The following TMCC1 variants were observed in gnomAD, a reference collection of about 807,000 sequenced individuals.
The protein encoded by TMCC1 is transmembrane and coiled-coil domain family 1, also known as transmembrane and coiled-coil domains protein 1.
In TMCC1, 15 loss-of-function variants were observed where a neutral mutation model predicts 52.4. That is an observed-to-expected ratio of 0.29 (90% CI 0.19 to 0.44). The LOEUF (loss-of-function observed/expected upper bound fraction) is 0.44, where lower values mean the gene tolerates loss of function less well. TMCC1 is among the 20% of genes least tolerant of loss of function. TMCC1 has a pLI of 1.00. For synonymous variants in TMCC1, 279 were observed against 301.9 expected (o/e 0.92, Z 0.79); for missense variants, 503 against 806.0 (o/e 0.62, Z 4.55).
At chr3:129,686,447 CT>C (rs947604076) in intron 4 of TMCC1, among the ~76,000 whole-genome samples, 3 of 152,188 alleles carry the variant, frequency 2.0e-5, no homozygotes, top group African/African-American at 7.2e-5. Flanking sequence ...GTACCCCACT[CT>C]AGTCACACTG....
At chr3:129,758,830 C>T (rs1283906399) in intron 4 of TMCC1, among the ~76,000 whole-genome samples, 5 of 152,192 alleles carry the variant, frequency 3.3e-5, no homozygotes, top group Non-Finnish European at 7.3e-5. Context: ...TTCCCCATTT[C>T]CCTCTCTTCC....
intron 2 of TMCC1, among the ~76,000 whole-genome samples, chr3:129,845,864 T>C (rs2059642094): frequency 6.6e-6 from 1 of 151,938 alleles, no homozygotes; most frequent in African/African-American, 2.4e-5. Flanking sequence ...AGACCCTGTC[T>C]CTACAAAAAA....
chr3:129,781,785 T>C (rs545734185), intron 4 of TMCC1, among the ~76,000 whole-genome samples: 1 of 152,112 alleles, frequency 6.6e-6, no homozygotes, highest in Non-Finnish European at 1.5e-5. Context: ...TTTATTAGTA[T>C]CACTTTGGCT....
At chr3:129,817,614 T>C (rs1168691234) in intron 4 of TMCC1, among the ~76,000 whole-genome samples, 1 of 152,178 alleles carries the variant, frequency 6.6e-6, no homozygotes, top group Non-Finnish European at 1.5e-5. Context: ...CATATTTTGA[T>C]TTTCAGAGTG....
At chr3:129,687,472 C>T (rs2089485844) in intron 4 of TMCC1, among the ~76,000 whole-genome samples, 1 of 152,184 alleles carries the variant, frequency 6.6e-6, no homozygotes, top group Admixed American at 6.5e-5. Flanking sequence ...AGAAAAACAA[C>T]ATCCTTATCT....
chr3:129,729,370 G>A (rs2050364059), intron 4 of TMCC1, among the ~76,000 whole-genome samples: 1 of 152,140 alleles, frequency 6.6e-6, no homozygotes, highest in African/African-American at 2.4e-5. Flanking sequence ...TTTGTTGTCT[G>A]TTTTAAAGAA....
intron 4 of TMCC1, among the ~76,000 whole-genome samples, chr3:129,765,421 C>T (rs1410700348): frequency 6.6e-6 from 1 of 151,912 alleles, no homozygotes; most frequent in Non-Finnish European, 1.5e-5. Flanking sequence ...AGTAAATATA[C>T]TCATAACAAT....
chr3:129,671,282 G>C lies in TMCC1; in HGVS notation c.577-18C>G, dbSNP rs139806936. On this transcript the variant is annotated intron_variant, in intron 4 of 6. Coordinates refer to ENST00000393238, the MANE Select transcript of TMCC1 (RefSeq NM_001017395.5). ...CGTTCGATCTAGTGTAAAAACAAGAGGTACATGTTAGAAGCCCAAGAGGAC... is the reference window on the plus strand; with the variant it reads ...CGTTCGATCTAGTGTAAAAACAAGACGTACATGTTAGAAGCCCAAGAGGAC... The C allele has an allele frequency of 1.6e-5, 26 of 1,586,726 alleles. No homozygotes were observed. In the East Asian group the frequency reaches 5.4e-4, roughly 33 times the overall value.
intron 4 of TMCC1, among the ~76,000 whole-genome samples, chr3:129,783,929 G>A (rs902688593): frequency 1.3e-5 from 2 of 152,098 alleles, no homozygotes; most frequent in Admixed American, 6.5e-5. Context: ...AGCTCGGAAA[G>A]AATATTGGCA....
intron 1 of TMCC1, among the ~76,000 whole-genome samples, chr3:129,887,052 G>C (rs1357434135): frequency 1.3e-5 from 2 of 152,140 alleles, no homozygotes; most frequent in Non-Finnish European, 2.9e-5. Context: ...TGGTTGCCAG[G>C]GAACAAAGAG....
At chr3:129,797,986 C>CTTTTTTTTTTTTT (rs11417298) in intron 4 of TMCC1, among the ~76,000 whole-genome samples, 2 of 136,662 alleles carry the variant, frequency 1.5e-5, no homozygotes, top group Non-Finnish European at 1.5e-5. Context: ...AGTTGTGTGC[C>CTTTTTTTTTTTTT]TTTTTTTTTT....
At chr3:129,857,977 G>T (rs1311386044) in intron 2 of TMCC1, among the ~76,000 whole-genome samples, 2 of 151,962 alleles carry the variant, frequency 1.3e-5, no homozygotes, top group African/African-American at 4.8e-5. Context: ...ATGGCATGCT[G>T]AAGGTCACAC....
chr3:129,798,361 G>C (rs1337555166), intron 4 of TMCC1, among the ~76,000 whole-genome samples: 1 of 151,976 alleles, frequency 6.6e-6, no homozygotes, highest in Admixed American at 6.6e-5. Context: ...TAGTGAAACA[G>C]TATTCTGAAA....
chr3:129,854,428 T>C (rs920642879), intron 2 of TMCC1, among the ~76,000 whole-genome samples: 3 of 151,206 alleles, frequency 2.0e-5, no homozygotes, highest in Non-Finnish European at 4.4e-5. Flanking sequence ...GACTATGTCC[T>C]TTCTTGCTTA....
rs200367197 is a variant in TMCC1 at position 129,723,399 on chromosome 3, G to T, written c.577-52135C>A. On this transcript the variant is annotated intron_variant, in intron 4 of 6. Coordinates refer to ENST00000393238, the MANE Select transcript of TMCC1 (RefSeq NM_001017395.5). ...TTTTTTGGCCACCTAGATCCATCAA[G>T]AATTTTTTTTTTTTAATTTAATAAG... is the stretch of plus-strand genomic sequence containing the variant. Among the ~76,000 whole-genome samples the T allele has an allele frequency of 8.1e-4, 56 of 69,358 alleles. No homozygotes were observed. The East Asian group carries it at 0.013, about 16-fold the overall frequency. The allele number at this position is 69,358 out of a possible 152,430, so 45.5% of individuals were successfully genotyped here.
chr3:129,801,083 C>T (rs1259667043), intron 4 of TMCC1, among the ~76,000 whole-genome samples: 2 of 151,936 alleles, frequency 1.3e-5, no homozygotes, highest in Non-Finnish European at 2.9e-5. Flanking sequence ...GCCACCACGC[C>T]CAGCTGATTT....
At chr3:129,768,864 A>G (rs1298096276) in intron 4 of TMCC1, among the ~76,000 whole-genome samples, 1 of 152,202 alleles carries the variant, frequency 6.6e-6, no homozygotes, top group Non-Finnish European at 1.5e-5. Context: ...GAGCTGTAGT[A>G]TGACCTCCCT....
chr3:129,655,028 T>C lies in TMCC1; in HGVS notation c.1587A>G (p.Glu529=), dbSNP rs2086581130. The change falls in exon 6 of 7, where the codon GAA becomes GAG. Residue 529 remains glutamate (E), a synonymous_variant. Coordinates refer to ENST00000393238, the MANE Select transcript of TMCC1 (RefSeq NM_001017395.5). Reference sequence around the variant, plus strand: ...CGATTTTTTCTTCCATGCTTGCCAGTTCCTGCTTCAAGTTCAAGATTTCAT... The same window carrying C: ...CGATTTTTTCTTCCATGCTTGCCAGCTCCTGCTTCAAGTTCAAGATTTCAT... ...HQNEILNLKQ[E]LASMEEKIAY... is the part of the protein sequence containing the mutation. The C allele has an allele frequency of 1.9e-6, 3 of 1,614,208 alleles. No individual in the cohort carries two copies. In the East Asian group the frequency reaches 6.7e-5, roughly 36 times the overall value.
chr3:129,838,996 C>A (rs879290777), intron 2 of TMCC1, among the ~76,000 whole-genome samples: 1 of 151,940 alleles, frequency 6.6e-6, no homozygotes, highest in African/African-American at 2.4e-5. Context: ...ATCCTTCATA[C>A]GTACAAAATA....
Sources: gnomAD v4.1 joint callset for allele counts (sites outside exome capture counted in the v4.1 genomes callset) on GRCh38, gnomAD v4.1.1 for gene constraint, MANE v1.5 for transcripts, NCBI Gene and HGNC (gene_info 2026-07-23, HGNC 2026-07-21) for gene names.